Variants in ZFAND3 observed in about 807,000 individuals in gnomAD.
The protein encoded by ZFAND3 is AN1-type zinc finger protein 3.
A neutral mutation model predicts 29.6 loss-of-function variants in ZFAND3; 10 were observed. That is an observed-to-expected ratio of 0.34 (90% CI 0.21 to 0.57). The LOEUF (loss-of-function observed/expected upper bound fraction) is 0.57. ZFAND3 is among the 20% of genes least tolerant of loss of function. ZFAND3 has a pLI of 0.86. For missense variants in ZFAND3, 230 were observed against 304.5 expected, an observed-to-expected ratio of 0.76 and a Z score of 1.82; for synonymous variants, 128 against 112.6, an observed-to-expected ratio of 1.14 and a Z score of -0.87.
chr6:37,891,980 C>G (rs993040777), intron 1 of ZFAND3, among the ~76,000 whole-genome samples: 1 of 152,164 alleles, frequency 6.6e-6, no homozygotes, highest in East Asian at 1.9e-4. Flanking sequence ...CCACTCGCCT[C>G]GCCCTCCCAA....
intron 4 of ZFAND3, among the ~76,000 whole-genome samples, chr6:38,089,254 AGTAGCTGGGATTACAG>A (rs1181846323): frequency 6.6e-6 from 1 of 151,824 alleles, no homozygotes; most frequent in East Asian, 1.9e-4. Flanking sequence ...CCACCCCCCA[AGTAGCTGGGATTACAG>A]GCACCTGCCA....
At chr6:37,992,771 T>C (rs1008541744) in intron 2 of ZFAND3, among the ~76,000 whole-genome samples, 1 of 152,226 alleles carries the variant, frequency 6.6e-6, no homozygotes, top group African/African-American at 2.4e-5. Flanking sequence ...TGTTTTATTA[T>C]GTCTCTCTTA....
intron 4 of ZFAND3, among the ~76,000 whole-genome samples, chr6:38,090,038 T>C (rs573640265): frequency 1.3e-5 from 2 of 152,126 alleles, no homozygotes; most frequent in South Asian, 2.1e-4. Context: ...TTTTTGGTAG[T>C]GACGGGGTTT....
intron 4 of ZFAND3, among the ~76,000 whole-genome samples, chr6:38,112,149 AT>A (rs1400539766): frequency 6.6e-6 from 1 of 152,238 alleles, no homozygotes; most frequent in Non-Finnish European, 1.5e-5. Context: ...CTGATGTGAT[AT>A]CTTTCTCATT....
At chr6:37,958,064 C>A (rs974254804) in intron 2 of ZFAND3, among the ~76,000 whole-genome samples, 1 of 151,996 alleles carries the variant, frequency 6.6e-6, no homozygotes, top group Non-Finnish European at 1.5e-5. Flanking sequence ...TATGGACAGA[C>A]AATTAGTCAT....
intron 2 of ZFAND3, among the ~76,000 whole-genome samples, chr6:38,061,005 C>A (rs1764226827): frequency 6.6e-6 from 1 of 152,054 alleles, no homozygotes; most frequent in East Asian, 1.9e-4. Context: ...CGGTTCAAAC[C>A]CATGATGTTC....
At chr6:38,016,011 T>C (rs1335122754) in intron 2 of ZFAND3, among the ~76,000 whole-genome samples, 1 of 152,242 alleles carries the variant, frequency 6.6e-6, no homozygotes, top group Non-Finnish European at 1.5e-5. Flanking sequence ...GAGGGTAGTA[T>C]GTTTATAATG....
At chr6:37,961,707 G>A (rs1762201708) in intron 2 of ZFAND3, among the ~76,000 whole-genome samples, 1 of 152,336 alleles carries the variant, frequency 6.6e-6, no homozygotes, top group South Asian at 2.1e-4. Context: ...AAGAAAACAA[G>A]AGTCTTTTTC....
In ZFAND3 at chr6:37,957,311, A is replaced by AT. The variant is rs954504558; in HGVS notation, c.112+27324dup. 7.2e-3 allele frequency among the ~76,000 whole-genome samples: 1,035 copies of AT among 143,858 alleles called. 10 individuals carry two copies. Among genetic ancestry groups the AT allele is most frequent in the African/African-American group, 0.021 (824 of 39,260 alleles). The allele number at this position is 143,858 out of a possible 152,430, so 94.4% of individuals were successfully genotyped here. ...GTCTCATGCTCTGGATTTGGCATCAATTTTTTTTTTTTCATTGAATTCCAA... is the reference window on the plus strand; with the variant it reads ...GTCTCATGCTCTGGATTTGGCATCAATTTTTTTTTTTTTCATTGAATTCCAA... On this transcript the variant is annotated intron_variant, in intron 2 of 5. Transcript: ENST00000287218.
intron 2 of ZFAND3, among the ~76,000 whole-genome samples, chr6:38,060,731 G>A (rs933765101): frequency 1.3e-5 from 2 of 152,224 alleles, no homozygotes; most frequent in Admixed American, 1.3e-4. Context: ...GATTATAGGC[G>A]TGAGCTACTG....
intron 1 of ZFAND3, among the ~76,000 whole-genome samples, chr6:37,905,792 AATG>A (rs1765396264): frequency 6.6e-6 from 1 of 152,070 alleles, no homozygotes; most frequent in African/African-American, 2.4e-5. Flanking sequence ...ATAAGATGGG[AATG>A]ATAATACCTA....
rs749212804 is a variant in ZFAND3, at chr6:37,844,582, GTTT to G, written c.71+24571_71+24573del. The stretch of plus-strand genomic sequence containing the variant: ...AGGCGTGAGCCACTGCGCCCGGCCA[GTTT>G]TTTTCTTTTCTAAGTGAAACAGTGT... On this transcript the variant is annotated intron_variant, in intron 1 of 5. Transcript: ENST00000287218. Among the ~76,000 whole-genome samples the G allele has an allele frequency of 2.0e-4, 30 of 152,128 alleles. 1 individual carries two copies. The highest frequency in any genetic ancestry group is 6.8e-3 in the Middle Eastern group (2 of 294).
intron 4 of ZFAND3, among the ~76,000 whole-genome samples, chr6:38,106,676 GTTGT>G: frequency 6.6e-6 from 1 of 151,504 alleles, no homozygotes; most frequent in Non-Finnish European, 1.5e-5. Context: ...TATGGCGCTA[GTTGT>G]TTGTGTGTGT....
intron 1 of ZFAND3, among the ~76,000 whole-genome samples, chr6:37,877,906 A>G (rs149509800): frequency 1.3e-5 from 2 of 152,318 alleles, no homozygotes; most frequent in African/African-American, 4.8e-5. Context: ...TTAAGCAGGG[A>G]ATGACTTAAT....
intron 5 of ZFAND3, among the ~76,000 whole-genome samples, chr6:38,120,891 C>T (rs116491434): frequency 6.6e-6 from 1 of 152,322 alleles, no homozygotes; most frequent in African/African-American, 2.4e-5. Flanking sequence ...AGTTGATCAT[C>T]TCCAAGTGCC....
intron 2 of ZFAND3, among the ~76,000 whole-genome samples, chr6:37,935,912 T>C (rs1437854779): frequency 1.3e-5 from 2 of 152,164 alleles, no homozygotes; most frequent in Admixed American, 6.5e-5. Flanking sequence ...TTAAAATACA[T>C]ATGAAAAGTC....
intron 2 of ZFAND3, among the ~76,000 whole-genome samples, chr6:37,931,515 TC>T (rs1249825204): frequency 6.9e-6 from 1 of 145,784 alleles, no homozygotes; most frequent in African/African-American, 2.6e-5. Context: ...CTGCACTCCA[TC>T]CTGGTAACAG....
In ZFAND3 at chr6:38,068,359, C is replaced by T. The variant is rs139616146; in HGVS notation, c.295+6584C>T. 4.7e-3 allele frequency among the ~76,000 whole-genome samples: 717 copies of T among 152,270 alleles called. 6 individuals carry two copies. Among genetic ancestry groups the T allele is most frequent in the African/African-American group, 0.017 (692 of 41,532 alleles). On this transcript the variant is annotated intron_variant, in intron 3 of 5. Transcript: ENST00000287218. ...TAAGTAAAGTTTGATTGGAACACAG[C>T]CCCACTCATTTGTTACTGTATTGTC...
chr6:37,842,102 G>A (rs1764088780), intron 1 of ZFAND3, among the ~76,000 whole-genome samples: 1 of 152,046 alleles, frequency 6.6e-6, no homozygotes, highest in Non-Finnish European at 1.5e-5. Context: ...ATTGATGAGG[G>A]CGATGCCTTA....
Sources: allele counts gnomAD v4.1 joint callset (sites outside exome capture counted in the v4.1 genomes callset), GRCh38; gene constraint gnomAD v4.1.1; transcripts MANE v1.5; gene names NCBI Gene and HGNC (gene_info 2026-07-23, HGNC 2026-07-21).